The following CDK19 variants were observed in gnomAD, a reference collection of about 807,000 sequenced individuals.
CDK19 encodes the protein cyclin-dependent kinase 19.
CDK19 carries 20 observed loss-of-function variants against 68.3 expected under a neutral mutation model. That is an observed-to-expected ratio of 0.29 (90% CI 0.21 to 0.43). The LOEUF (loss-of-function observed/expected upper bound fraction) is 0.43. Ranked by LOEUF, CDK19 falls within the 20% of genes least tolerant of loss-of-function variation. CDK19 has a pLI of 1.00. For synonymous variants in CDK19, 221 were observed against 222.8 expected, an observed-to-expected ratio of 0.99 and a Z score of 0.07; for missense variants, 339 against 623.5, an observed-to-expected ratio of 0.54 and a Z score of 4.86.
At chr6:110,734,520 GCT>G (rs34004722) in intron 2 of CDK19, among the ~76,000 whole-genome samples, 10,928 of 85,616 alleles carry the variant, frequency 0.13, 874 homozygotes, top group South Asian at 0.28. Context: ...GGTGAGCACT[GCT>G]CTCTCTCTCT....
intron 1 of CDK19, among the ~76,000 whole-genome samples, chr6:110,759,428 A>T (rs9487512): frequency 0.19 from 9,573 of 49,454 alleles, 1,040 homozygotes; most frequent in East Asian, 0.33. Flanking sequence ...AAAAAAAAAA[A>T]ATATATATAT....
intron 1 of CDK19, among the ~76,000 whole-genome samples, chr6:110,800,324 C>A (rs2115108641): frequency 6.6e-6 from 1 of 152,224 alleles, no homozygotes; most frequent in South Asian, 2.1e-4. Context: ...AGCCTACCAA[C>A]CAAAAATAGC....
chr6:110,621,324 G>T lies in CDK19; in HGVS notation c.1157C>A (p.Pro386Gln). ...QNQHQQPTAPPQQAAAPPQAP... is the reference protein window; with the variant it reads ...QNQHQQPTAPQQQAAAPPQAP... ...CTGTGGAGGGGCTGCTGCCTGCTGT[G>T]GAGGGGCTGTGGGCTGCTGATGCTG... Residue 386 changes from proline to glutamine, a missense_variant, in exon 12 of 13, where the codon CCA becomes CAA. Pro to Gln is a moderately conservative substitution (Grantham distance 76). This residue lies in a region of CDK19 where 155 missense variants were observed against 222.7 expected (regional missense o/e 0.70). Transcript: ENST00000368911. The surrounding 1 kb of genome is among the most constrained non-coding windows in gnomAD (Gnocchi z 5.4). 1 of 1,598,432 alleles carries T rather than the reference G, an allele frequency of 6.3e-7. No homozygotes were observed. The highest frequency in any genetic ancestry group is 8.5e-7 in the Non-Finnish European group (1 of 1,171,302).
At chr6:110,615,845 T>C (rs1488605643) in intron 12 of CDK19, among the ~76,000 whole-genome samples, 1 of 152,172 alleles carries the variant, frequency 6.6e-6, no homozygotes, top group African/African-American at 2.4e-5. Flanking sequence ...CTCCTGTAAA[T>C]AACATCACTA....
intron 1 of CDK19, among the ~76,000 whole-genome samples, chr6:110,759,404 T>TAAAAAAAA (rs1157889434): frequency 1.7e-5 from 1 of 57,220 alleles, no homozygotes; most frequent in African/African-American, 7.6e-5. Context: ...GACTCCGTCT[T>TAAAAAAAA]AAAAAAAAAA....
chr6:110,630,611 T>C (rs1472820964), intron 6 of CDK19, among the ~76,000 whole-genome samples: 1 of 152,232 alleles, frequency 6.6e-6, no homozygotes, highest in Non-Finnish European at 1.5e-5. Context: ...TTCCACTTGC[T>C]GTCTGTAGTT....
chr6:110,754,983 AT>A (rs149467670), intron 1 of CDK19, among the ~76,000 whole-genome samples: 249 of 141,728 alleles, frequency 1.8e-3, no homozygotes, highest in Middle Eastern at 7.3e-3. Flanking sequence ...TCCCTTGTGA[AT>A]TTTTTTTTTT....
intron 2 of CDK19, among the ~76,000 whole-genome samples, chr6:110,717,238 G>T (rs1187756185): frequency 6.8e-6 from 1 of 146,454 alleles, no homozygotes; most frequent in African/African-American, 2.5e-5. Context: ...CACATATATA[G>T]ATACATATGT....
At chr6:110,710,593 C>T (rs1562220904) in intron 2 of CDK19, among the ~76,000 whole-genome samples, 1 of 152,210 alleles carries the variant, frequency 6.6e-6, no homozygotes, top group East Asian at 1.9e-4. Context: ...GATCAAGGCA[C>T]CAGGAGATTT....
chr6:110,764,639 A>T (rs1779448229), intron 1 of CDK19, among the ~76,000 whole-genome samples: 1 of 152,204 alleles, frequency 6.6e-6, no homozygotes, highest in Admixed American at 6.5e-5. Context: ...GACTTAATAT[A>T]AAATGGAAAA....
intron 2 of CDK19, chr6:110,700,442 T>TC (rs1773893874): frequency 6.6e-6 from 1 of 152,104 alleles, no homozygotes; most frequent in African/African-American, 2.4e-5. Context: ...ATTCAGCTTT[T>TC]TTTTTTGAGA....
At position 110,685,913 on chromosome 6, in the gene CDK19, CGTAT is replaced by C. The variant is rs556555104; in HGVS notation, c.205-15376_205-15373del. 5.9e-5 allele frequency among the ~76,000 whole-genome samples: 9 copies of C among 152,158 alleles called. No homozygotes were observed. In the South Asian group the frequency reaches 1.9e-3, roughly 32 times the overall value. ...CTGCAAAAGGGAGTATCATAATTGG[CGTAT>C]GTATGGCCTTTACCTTCAGGATGCT... On this transcript the variant is annotated intron_variant, in intron 2 of 12. Coordinates refer to ENST00000368911, the MANE Select transcript of CDK19 (RefSeq NM_015076.5).
intron 8 of CDK19, among the ~76,000 whole-genome samples, chr6:110,623,868 AG>A (rs1404914828): frequency 5.2e-5 from 7 of 135,804 alleles, no homozygotes; most frequent in Non-Finnish European, 9.2e-5. Flanking sequence ...ATACATATAT[AG>A]TATATATACG....
At chr6:110,641,021 G>A (rs752195108) in intron 4 of CDK19, among the ~76,000 whole-genome samples, 2 of 152,124 alleles carry the variant, frequency 1.3e-5, no homozygotes, top group Non-Finnish European at 2.9e-5. Context: ...ACTAGCCAGA[G>A]GAGTGAGAAG....
At chr6:110,813,865 T>C (rs1415504332) in intron 1 of CDK19, 1 of 152,232 alleles carries the variant, frequency 6.6e-6, no homozygotes, top group Non-Finnish European at 1.5e-5. Flanking sequence ...ATCACTTTAT[T>C]CAGAAATGGT....
intron 4 of CDK19, among the ~76,000 whole-genome samples, chr6:110,664,710 G>C (rs184540601): frequency 6.6e-6 from 1 of 152,044 alleles, no homozygotes; most frequent in Non-Finnish European, 1.5e-5. Context: ...CACAGGCTAC[G>C]AGATGTTCTA....
chr6:110,756,604 T>C (rs888183610), intron 1 of CDK19, among the ~76,000 whole-genome samples: 1 of 152,082 alleles, frequency 6.6e-6, no homozygotes, highest in Non-Finnish European at 1.5e-5. Context: ...AGGTACATTG[T>C]AGGCATTCAA....
At chr6:110,810,892 T>C (rs1249455877) in intron 1 of CDK19, among the ~76,000 whole-genome samples, 3 of 152,222 alleles carry the variant, frequency 2.0e-5, no homozygotes, top group Non-Finnish European at 4.4e-5. Flanking sequence ...TCCATATTTT[T>C]TTTTGGTATA....
At chr6:110,624,975 A>G (rs144084382) in intron 8 of CDK19, among the ~76,000 whole-genome samples, 2 of 152,368 alleles carry the variant, frequency 1.3e-5, no homozygotes, top group Non-Finnish European at 2.9e-5. Flanking sequence ...TAGGAAGATC[A>G]TATGAAAAAA....
Sources: allele counts gnomAD v4.1 joint callset (sites outside exome capture counted in the v4.1 genomes callset), GRCh38; gene constraint gnomAD v4.1.1; regional missense constraint gnomAD v4.1.1; non-coding constraint Gnocchi (gnomAD v3.1); transcripts MANE v1.5; gene names NCBI Gene and HGNC (gene_info 2026-07-23, HGNC 2026-07-21).